Variants in SUGCT observed in about 807,000 individuals in gnomAD.
SUGCT encodes succinyl-CoA:glutarate CoA-transferase.
Under a neutral mutation model 55.0 loss-of-function variants are expected in SUGCT, and 41 were observed. The ratio of observed to expected loss-of-function variants is 0.74; its 90% confidence interval spans 0.58 to 0.97. The LOEUF is 0.97. SUGCT is among the 50% of genes least tolerant of loss of function. The pLI, the probability that SUGCT is intolerant of heterozygous loss-of-function variation, is 0.00. For synonymous variants in SUGCT, 187 were observed against 200.4 expected, an observed-to-expected ratio of 0.93 and a Z score of 0.56; for missense variants, 568 against 547.8, an observed-to-expected ratio of 1.04 and a Z score of -0.37.
At chr7:40,291,707 G>T (rs917003250) in intron 8 of SUGCT, among the ~76,000 whole-genome samples, 1 of 151,684 alleles carries the variant, frequency 6.6e-6, no homozygotes, top group Non-Finnish European at 1.5e-5. Context: ...TGTGAATGTG[G>T]TCTGTCTCAG....
At chr7:40,676,137 G>C (rs17437228) in intron 12 of SUGCT, among the ~76,000 whole-genome samples, 26,751 of 152,134 alleles carry the variant, frequency 0.18, 2,432 homozygotes, top group African/African-American at 0.21. Context: ...GCTCTGGACT[G>C]AACAGTGCTA....
chr7:40,956,488 T>A, the SUGCT span, among the ~76,000 whole-genome samples: 1 of 152,192 alleles, frequency 6.6e-6, no homozygotes, highest in Admixed American at 6.5e-5. Flanking sequence ...CTTTATCATT[T>A]TCATTGTTTC....
At chr7:40,217,476 T>C (rs760600974) in intron 6 of SUGCT, 2 of 443,386 alleles carry the variant, frequency 4.5e-6, no homozygotes, top group South Asian at 3.2e-5. Flanking sequence ...TCTCCCAAAG[T>C]GCTGGGATTA....
intron 12 of SUGCT, among the ~76,000 whole-genome samples, chr7:40,536,806 C>T (rs1794386891): frequency 6.6e-6 from 1 of 152,176 alleles, no homozygotes; most frequent in Non-Finnish European, 1.5e-5. Context: ...TACATTTTCC[C>T]TGAAGGAGAG....
At chr7:40,232,975 A>G (rs999219581) in intron 6 of SUGCT, among the ~76,000 whole-genome samples, 1 of 152,132 alleles carries the variant, frequency 6.6e-6, no homozygotes, top group Non-Finnish European at 1.5e-5. Flanking sequence ...TCTGGATCCC[A>G]GGCTTAACAT....
At chr7:40,675,568 G>A (rs957472902) in intron 12 of SUGCT, among the ~76,000 whole-genome samples, 3 of 152,146 alleles carry the variant, frequency 2.0e-5, no homozygotes, top group Admixed American at 6.5e-5. Flanking sequence ...TAAAAGAAAC[G>A]TCTAGTGAGG....
intron 7 of SUGCT, among the ~76,000 whole-genome samples, chr7:40,249,331 A>ATATATATATATATATG (rs1241103667): frequency 3.4e-5 from 4 of 115,944 alleles, no homozygotes; most frequent in African/African-American, 1.4e-4. Flanking sequence ...ATATATATAT[A>ATATATATATATATATG]TATATATATA....
chr7:40,959,348 T>G, the SUGCT span, among the ~76,000 whole-genome samples: 3 of 152,242 alleles, frequency 2.0e-5, no homozygotes, highest in African/African-American at 7.2e-5. Flanking sequence ...GCTGCCTTTC[T>G]TTCAGAGATG....
At chr7:40,995,076 G>A in the SUGCT span, among the ~76,000 whole-genome samples, 354 of 152,102 alleles carry the variant, frequency 2.3e-3, 1 homozygote, top group African/African-American at 8.1e-3. Context: ...TAAAAATCAC[G>A]TTCCCTTAAA....
chr7:40,387,600 A>G (rs187513404), intron 9 of SUGCT, among the ~76,000 whole-genome samples: 1 of 152,278 alleles, frequency 6.6e-6, no homozygotes, highest in African/African-American at 2.4e-5. Context: ...TGGAGTGATT[A>G]GTGCTAATCC....
chr7:40,170,102 C>T (rs1293648548), intron 1 of SUGCT, among the ~76,000 whole-genome samples: 2 of 152,146 alleles, frequency 1.3e-5, no homozygotes, highest in Non-Finnish European at 2.9e-5. Flanking sequence ...GTCTGTGGCA[C>T]CAATCTCCAT....
chr7:40,729,021 A>G (rs1271768039), intron 12 of SUGCT, among the ~76,000 whole-genome samples: 1 of 152,212 alleles, frequency 6.6e-6, no homozygotes, highest in African/African-American at 2.4e-5. Flanking sequence ...CTGGGCTAGA[A>G]TTTTAATCAG....
chr7:40,919,088 C>T, the SUGCT span, among the ~76,000 whole-genome samples: 1 of 152,214 alleles, frequency 6.6e-6, no homozygotes, highest in Non-Finnish European at 1.5e-5. Flanking sequence ...TCTTTCCTCT[C>T]TACTCATTCT....
the SUGCT span, among the ~76,000 whole-genome samples, chr7:41,017,657 G>T: frequency 6.6e-6 from 1 of 151,972 alleles, no homozygotes; most frequent in South Asian, 2.1e-4. Flanking sequence ...TATAGTCCCA[G>T]CTACTCGGGA....
chr7:40,226,582 T>C (rs1788372227), intron 6 of SUGCT, among the ~76,000 whole-genome samples: 1 of 151,156 alleles, frequency 6.6e-6, no homozygotes, highest in African/African-American at 2.4e-5. Flanking sequence ...AATAGAAAAC[T>C]AACTCTTTTT....
intron 12 of SUGCT, among the ~76,000 whole-genome samples, chr7:40,673,401 T>C (rs906830786): frequency 6.6e-6 from 1 of 152,240 alleles, no homozygotes; most frequent in Non-Finnish European, 1.5e-5. Context: ...TCTTTGCTGC[T>C]CTGACTCTAA....
At chr7:40,339,615 A>G (rs948439098) in intron 9 of SUGCT, among the ~76,000 whole-genome samples, 6 of 152,250 alleles carry the variant, frequency 3.9e-5, no homozygotes, top group African/African-American at 1.4e-4. Flanking sequence ...TTAGGGTGGG[A>G]GTGACCCGAT....
intron 11 of SUGCT, among the ~76,000 whole-genome samples, chr7:40,459,830 A>T (rs1789696270): frequency 6.6e-6 from 1 of 152,100 alleles, no homozygotes. Flanking sequence ...ATTTTTTTGT[A>T]ATACCTGTAC....
chr7:40,370,795 A>C (rs2151252726), intron 9 of SUGCT, among the ~76,000 whole-genome samples: 1 of 152,280 alleles, frequency 6.6e-6, no homozygotes, highest in South Asian at 2.1e-4. Flanking sequence ...CTTAGTAAGA[A>C]AAAAGTATTT....
Sources: gnomAD v4.1 joint callset for allele counts (sites outside exome capture counted in the v4.1 genomes callset) on GRCh38, gnomAD v4.1.1 for gene constraint, MANE v1.5 for transcripts, NCBI Gene and HGNC (gene_info 2026-07-23, HGNC 2026-07-21) for gene names.